Variants in CAMTA1 observed in about 807,000 individuals in gnomAD.
CAMTA1 encodes calmodulin-binding transcription activator 1.
Under a neutral mutation model 170.9 loss-of-function variants are expected in CAMTA1, and 27 were observed. The ratio of observed to expected loss-of-function variants is 0.16; its 90% CI spans 0.12 to 0.22. The LOEUF is 0.22. Among genes scored for constraint, CAMTA1 ranks in the 10% least tolerant of loss-of-function variants. The pLI, the probability that CAMTA1 is intolerant of heterozygous loss-of-function variation, is 1.00. For synonymous variants in CAMTA1, 833 were observed against 891.5 expected (o/e 0.93, Z 1.17); for missense variants, 1,619 against 2,217.2 (o/e 0.73, Z 5.42).
intron 3 of CAMTA1, among the ~76,000 whole-genome samples, chr1:7,073,632 T>C (rs1239426246): frequency 2.6e-5 from 4 of 152,104 alleles, no homozygotes; most frequent in African/African-American, 9.7e-5. Context: ...GACGTTTCAA[T>C]GAGGAGAGAG....
At chr1:7,460,948 C>T (rs1273494064) in intron 5 of CAMTA1, among the ~76,000 whole-genome samples, 2 of 152,108 alleles carry the variant, frequency 1.3e-5, no homozygotes, top group South Asian at 2.1e-4. Flanking sequence ...GCCAGCCTAA[C>T]GTGGTGCTCT....
intron 4 of CAMTA1, among the ~76,000 whole-genome samples, chr1:7,211,650 A>G (rs1292571095): frequency 3.3e-5 from 5 of 152,158 alleles, no homozygotes; most frequent in Admixed American, 3.3e-4. Context: ...GTCGCCTTCC[A>G]CTTCCTCTCA....
intron 4 of CAMTA1, among the ~76,000 whole-genome samples, chr1:7,194,032 G>A (rs1416339437): frequency 1.3e-5 from 2 of 152,146 alleles, no homozygotes; most frequent in Non-Finnish European, 2.9e-5. Context: ...ACATGTGAAC[G>A]GAAGCATTTT....
At chr1:7,116,586 A>G (rs1163582215) in intron 4 of CAMTA1, among the ~76,000 whole-genome samples, 1 of 151,952 alleles carries the variant, frequency 6.6e-6, no homozygotes, top group Non-Finnish European at 1.5e-5. Flanking sequence ...CTTTAATTTC[A>G]TAGCATTCCT....
At chr1:7,339,777 A>G (rs1005694905) in intron 5 of CAMTA1, among the ~76,000 whole-genome samples, 1 of 151,982 alleles carries the variant, frequency 6.6e-6, no homozygotes, top group Non-Finnish European at 1.5e-5. Flanking sequence ...TTGTAATTTT[A>G]GTAGAGACAG....
chr1:7,543,407 A>G (rs1253301001), intron 6 of CAMTA1, among the ~76,000 whole-genome samples: 2 of 152,090 alleles, frequency 1.3e-5, no homozygotes, highest in Admixed American at 6.5e-5. Flanking sequence ...TGCAGCATTT[A>G]CCCCGAGATA....
chr1:7,671,794 TC>T (rs1255951084), intron 10 of CAMTA1, among the ~76,000 whole-genome samples: 4 of 152,192 alleles, frequency 2.6e-5, no homozygotes, highest in African/African-American at 9.6e-5. Context: ...TAGCACGGTG[TC>T]CCTGTCTGGT....
intron 3 of CAMTA1, among the ~76,000 whole-genome samples, chr1:7,088,921 C>T (rs982570060): frequency 6.6e-6 from 1 of 152,196 alleles, no homozygotes; most frequent in Non-Finnish European, 1.5e-5. Flanking sequence ...CAAATGAGAA[C>T]CAATTGACAA....
chr1:7,645,184 C>T (rs1385568306), intron 7 of CAMTA1, among the ~76,000 whole-genome samples: 1 of 152,218 alleles, frequency 6.6e-6, no homozygotes, highest in Non-Finnish European at 1.5e-5. Context: ...CTCTGCCAGG[C>T]AGGCTCTGTG....
At chr1:6,828,902 T>G (rs1029382954) in intron 3 of CAMTA1, among the ~76,000 whole-genome samples, 12 of 146,298 alleles carry the variant, frequency 8.2e-5, no homozygotes, top group Non-Finnish European at 1.7e-4. Flanking sequence ...TTTTTTTTTT[T>G]TTTTTTTTTT....
At chr1:6,812,872 G>A (rs551051055) in intron 1 of CAMTA1, among the ~76,000 whole-genome samples, 111 of 152,272 alleles carry the variant, frequency 7.3e-4, no homozygotes, top group African/African-American at 2.6e-3. Flanking sequence ...TTTGTAGTCT[G>A]TTCCAGCTAC....
At chr1:7,541,649 C>T (rs938509866) in intron 6 of CAMTA1, among the ~76,000 whole-genome samples, 2 of 152,176 alleles carry the variant, frequency 1.3e-5, no homozygotes, top group Non-Finnish European at 2.9e-5. Context: ...AACATTTTCC[C>T]CGGCATGCAC....
In CAMTA1 at chr1:7,443,400, G is replaced by A. The variant is rs1379059864; in HGVS notation, c.439-24430G>A. ...TGCATCAAGGTGGCCTTGGGAGCAC[G>A]TGGAGATGATGATAGCCATGTCAGA... On this transcript the variant is annotated intron_variant, in intron 5 of 22. Coordinates refer to ENST00000303635, the MANE Select transcript of CAMTA1 (RefSeq NM_015215.4). The surrounding 1 kb of genome is among the most constrained non-coding windows in gnomAD (Gnocchi z 4.1). 2.0e-5 allele frequency among the ~76,000 whole-genome samples: 3 copies of A among 152,212 alleles called. No individual in the cohort carries two copies. The highest frequency in any genetic ancestry group is 4.8e-5 in the African/African-American group (2 of 41,456).
intron 4 of CAMTA1, among the ~76,000 whole-genome samples, chr1:7,143,492 C>T (rs1237747392): frequency 2.6e-5 from 4 of 152,212 alleles, no homozygotes; most frequent in South Asian, 2.1e-4. Flanking sequence ...TTTCTCCCAT[C>T]TCTGGGTGCA....
At chr1:7,157,160 G>A (rs934961026) in intron 4 of CAMTA1, among the ~76,000 whole-genome samples, 10 of 151,702 alleles carry the variant, frequency 6.6e-5, no homozygotes, top group South Asian at 2.1e-4. Flanking sequence ...TGGCTAACAC[G>A]GTGAAACCCC....
chr1:7,395,890 A>G (rs2089265071), intron 5 of CAMTA1, among the ~76,000 whole-genome samples: 1 of 152,176 alleles, frequency 6.6e-6, no homozygotes, highest in Non-Finnish European at 1.5e-5. Context: ...CTATTGGCAT[A>G]TAAAAAAACC....
At chr1:7,315,927 AAG>A (rs914552042) in intron 5 of CAMTA1, among the ~76,000 whole-genome samples, 3 of 152,220 alleles carry the variant, frequency 2.0e-5, no homozygotes, top group African/African-American at 7.2e-5. Context: ...TTATAGAGGA[AAG>A]AGGTTTAATT....
intron 3 of CAMTA1, among the ~76,000 whole-genome samples, chr1:6,843,502 T>C (rs1656711386): frequency 6.6e-6 from 1 of 152,240 alleles, no homozygotes; most frequent in Non-Finnish European, 1.5e-5. Context: ...GAATAGAGAT[T>C]GGCTGTTAAT....
intron 4 of CAMTA1, among the ~76,000 whole-genome samples, chr1:7,213,206 C>T (rs547887182): frequency 1.7e-3 from 252 of 152,246 alleles, no homozygotes; most frequent in African/African-American, 5.6e-3. Flanking sequence ...TCAAAGTAGC[C>T]GTGCTTTATT....
Sources: gnomAD v4.1 joint callset for allele counts (sites outside exome capture counted in the v4.1 genomes callset) on GRCh38, gnomAD v4.1.1 for gene constraint, Gnocchi (gnomAD v3.1) non-coding constraint, MANE v1.5 for transcripts, NCBI Gene and HGNC (gene_info 2026-07-23, HGNC 2026-07-21) for gene names.